Variants in MYO3B observed in about 807,000 individuals in gnomAD.
The protein encoded by MYO3B is myosin-IIIb.
MYO3B carries 156 observed loss-of-function variants against 174.6 expected under a neutral mutation model. The ratio of observed to expected loss-of-function variants is 0.89; its 90% confidence interval spans 0.78 to 1.02. MYO3B has a LOEUF of 1.02. Ranked by LOEUF, MYO3B falls within the 50% of genes least tolerant of loss-of-function variation. The pLI is 0.00. For synonymous variants in MYO3B, 563 were observed against 569.1 expected, an observed-to-expected ratio of 0.99 and a Z score of 0.15; for missense variants, 1,632 against 1,639.4, an observed-to-expected ratio of 1.00 and a Z score of 0.08.
intron 32 of MYO3B, among the ~76,000 whole-genome samples, chr2:170,649,082 AAAT>A (rs1262309392): frequency 6.3e-5 from 5 of 79,598 alleles, no homozygotes; most frequent in East Asian, 3.9e-4. Flanking sequence ...ATTATATATA[AAAT>A]AATATATAAT....
chr2:170,273,711 C>T (rs747597249), intron 7 of MYO3B, among the ~76,000 whole-genome samples: 47 of 151,784 alleles, frequency 3.1e-4, no homozygotes, highest in Non-Finnish European at 5.4e-4. Context: ...GTCACTTCCT[C>T]GGTGAAACCT....
chr2:170,416,270 C>T (rs2094577807), intron 22 of MYO3B, among the ~76,000 whole-genome samples: 1 of 152,158 alleles, frequency 6.6e-6, no homozygotes, highest in Admixed American at 6.5e-5. Context: ...CACCTGTAAT[C>T]CCAGCACTTT....
At chr2:170,351,653 A>G (rs1210520919) in intron 8 of MYO3B, among the ~76,000 whole-genome samples, 1 of 152,088 alleles carries the variant, frequency 6.6e-6, no homozygotes, top group East Asian at 1.9e-4. Context: ...GGAGAGAGAA[A>G]ACAAAATCCT....
In MYO3B at chr2:170,514,612, G is replaced by A. The variant is rs146305424; in HGVS notation, c.3371-309G>A. Among the ~76,000 whole-genome samples, 4 of 152,290 alleles carry A rather than the reference G, an allele frequency of 2.6e-5. 1 individual carries two copies. The highest frequency in any genetic ancestry group is 9.6e-5 in the African/African-American group (4 of 41,568). On this transcript the variant is annotated intron_variant, in intron 28 of 34. Transcript: ENST00000408978. ...GCACTCATGACCTGTGTTTGTCACT[G>A]AGTTTCCCTATTTGACTAATGTGAT...
At chr2:170,178,743 C>T (rs563862480) in intron 1 of MYO3B, among the ~76,000 whole-genome samples, 2 of 152,144 alleles carry the variant, frequency 1.3e-5, no homozygotes, top group Non-Finnish European at 2.9e-5. Context: ...ATGTTTTTCA[C>T]CCAAGAGAGG....
intron 23 of MYO3B, among the ~76,000 whole-genome samples, chr2:170,451,746 A>G (rs910481034): frequency 3.3e-5 from 5 of 152,202 alleles, no homozygotes; most frequent in Non-Finnish European, 5.9e-5. Flanking sequence ...TCATTTGTCA[A>G]TAGTTGGATT....
At chr2:170,410,248 T>A (rs2094536640) in intron 22 of MYO3B, among the ~76,000 whole-genome samples, 1 of 152,110 alleles carries the variant, frequency 6.6e-6, no homozygotes, top group African/African-American at 2.4e-5. Context: ...TTTTGAGGAA[T>A]GAACTACAGG....
chr2:170,529,489 A>G (rs2106167208), intron 30 of MYO3B, among the ~76,000 whole-genome samples: 1 of 146,690 alleles, frequency 6.8e-6, no homozygotes, highest in Admixed American at 6.9e-5. Flanking sequence ...TCCTTATACT[A>G]TTTATATCTA....
chr2:170,558,868 T>A (rs1691524392), intron 32 of MYO3B, among the ~76,000 whole-genome samples: 1 of 152,194 alleles, frequency 6.6e-6, no homozygotes, highest in Non-Finnish European at 1.5e-5. Context: ...TCTCCCTATA[T>A]CCCTCTTTCC....
At position 170,236,139 on chromosome 2, in the gene MYO3B, A is replaced by G; in HGVS notation, c.749+3A>G. 1 of 1,614,166 alleles carries G rather than the reference A, an allele frequency of 6.2e-7. No individual in the cohort carries two copies. Among genetic ancestry groups the G allele is most frequent in the East Asian group, 2.2e-5 (1 of 44,878 alleles). ...AAAACACTCTTTAAGATTCCAAGGT[A>G]AGACACAAGATGGCGCTCTTGACTC... On this transcript the variant is annotated splice_donor_region_variant and intron_variant, in intron 7 of 34. Transcript: ENST00000408978.
intron 6 of MYO3B, among the ~76,000 whole-genome samples, chr2:170,228,960 CAAA>C (rs539746576): frequency 0.032 from 3,187 of 98,314 alleles, 60 homozygotes; most frequent in African/African-American, 0.093. Context: ...ATTCCCTTTA[CAAA>C]AAAAAAAAAA....
chr2:170,407,343 C>A (rs1265958804), intron 21 of MYO3B, among the ~76,000 whole-genome samples: 1 of 152,048 alleles, frequency 6.6e-6, no homozygotes, highest in Non-Finnish European at 1.5e-5. Context: ...TACCTGTGGT[C>A]CCAGCTACTC....
intron 9 of MYO3B, among the ~76,000 whole-genome samples, chr2:170,375,126 A>G (rs955947154): frequency 4.6e-5 from 7 of 152,186 alleles, no homozygotes; most frequent in Non-Finnish European, 1.0e-4. Flanking sequence ...CATTTCCTTT[A>G]TATCAGCACC....
At chr2:170,628,796 G>A (rs374004827) in intron 32 of MYO3B, among the ~76,000 whole-genome samples, 17 of 152,158 alleles carry the variant, frequency 1.1e-4, no homozygotes, top group African/African-American at 4.1e-4. Flanking sequence ...CTTTTGTGAA[G>A]CTTTAGTATA....
chr2:170,306,609 T>C (rs1399103414), intron 7 of MYO3B, among the ~76,000 whole-genome samples: 1 of 152,194 alleles, frequency 6.6e-6, no homozygotes, highest in Non-Finnish European at 1.5e-5. Context: ...TTTTTCAAAA[T>C]GTCCTTGTCA....
chr2:170,644,885 A>G (rs1041954654), intron 32 of MYO3B, among the ~76,000 whole-genome samples: 1 of 152,220 alleles, frequency 6.6e-6, no homozygotes, highest in African/African-American at 2.4e-5. Flanking sequence ...ATAAAGTTCT[A>G]TAACAATTCA....
Position 170,230,282 on chromosome 2 carries a change from G to T in MYO3B, c.604-5709G>T, listed in dbSNP as rs1574621099. Among the ~76,000 whole-genome samples the T allele has an allele frequency of 4.2e-5, 6 of 142,296 alleles. No homozygotes were observed. In the Admixed American group the frequency reaches 4.4e-4, roughly 10 times the overall value. The allele number at this position is 142,296 out of a possible 152,430, so 93.4% of individuals were successfully genotyped here. A position where few individuals can be genotyped will look rare whatever the true frequency, so the allele number is the denominator to read the frequency against. Reference sequence around the variant, plus strand: ...CCTCCCATGTTCAAGCAATTCTCTTGCCTCAGCCTCCGGAGTAGCTGGGAT... The same window carrying T: ...CCTCCCATGTTCAAGCAATTCTCTTTCCTCAGCCTCCGGAGTAGCTGGGAT... On this transcript the variant is annotated intron_variant, in intron 6 of 34. Coordinates refer to ENST00000408978, the MANE Select transcript of MYO3B (RefSeq NM_138995.5).
intron 7 of MYO3B, among the ~76,000 whole-genome samples, chr2:170,275,904 G>T (rs949099676): frequency 6.6e-6 from 1 of 152,104 alleles, no homozygotes; most frequent in Non-Finnish European, 1.5e-5. Context: ...AGTTATAGTG[G>T]TTGTGGACCT....
chr2:170,383,021 A>G (rs747396580), intron 10 of MYO3B, 52 bp from the exon 11 acceptor site: 13 of 1,129,958 alleles, frequency 1.2e-5, no homozygotes, highest in Admixed American at 1.8e-5. Context: ...TTTAGAATCT[A>G]TCCCTTGACT....
Sources: gnomAD v4.1 joint callset for allele counts (sites outside exome capture counted in the v4.1 genomes callset) on GRCh38, gnomAD v4.1.1 for gene constraint, MANE v1.5 for transcripts, NCBI Gene and HGNC (gene_info 2026-07-23, HGNC 2026-07-21) for gene names.